Variants in PDS5A observed in about 807,000 individuals in gnomAD.
PDS5A encodes the protein PDS5 cohesin associated factor A, also known as sister chromatid cohesion protein PDS5 homolog A.
A neutral mutation model predicts 167.1 loss-of-function variants in PDS5A; 42 were observed. The observed-to-expected ratio is 0.25, with a 90% CI of 0.20 to 0.33. PDS5A has a LOEUF of 0.33. Among genes scored for constraint, PDS5A ranks in the 10% least tolerant of loss-of-function variants. The pLI is 1.00. For synonymous variants in PDS5A, 553 were observed against 554.6 expected, an observed-to-expected ratio of 1.00 and a Z score of 0.04; for missense variants, 1,033 against 1,605.9, an observed-to-expected ratio of 0.64 and a Z score of 6.10.
intron 21 of PDS5A, among the ~76,000 whole-genome samples, chr4:39,869,676 C>T (rs1719852767): frequency 6.6e-6 from 1 of 152,150 alleles, no homozygotes; most frequent in Non-Finnish European, 1.5e-5. Context: ...GTGGCTGGTA[C>T]TGGCAAGGAT....
intron 32 of PDS5A, among the ~76,000 whole-genome samples, chr4:39,830,311 T>C (rs796124785): frequency 1.3e-5 from 2 of 152,312 alleles, no homozygotes; most frequent in Admixed American, 6.5e-5. Context: ...TGCCACAGCA[T>C]CCCAAGTAGC....
intron 26 of PDS5A, among the ~76,000 whole-genome samples, chr4:39,852,987 T>A (rs1038274999): frequency 6.6e-6 from 1 of 152,188 alleles, no homozygotes; most frequent in Admixed American, 6.5e-5. Flanking sequence ...AAATTATAAA[T>A]TCACTGCAGC....
intron 2 of PDS5A, among the ~76,000 whole-genome samples, chr4:39,940,723 G>A (rs1383505267): frequency 6.6e-6 from 1 of 152,206 alleles, no homozygotes; most frequent in African/African-American, 2.4e-5. Flanking sequence ...GCGCAGAGGC[G>A]CTCACTGCAG....
chr4:39,917,027 A>AC, intron 8 of PDS5A, 21 bp downstream of exon 8: 1 of 1,405,592 alleles, frequency 7.1e-7, no homozygotes, highest in South Asian at 1.6e-5. Flanking sequence ...AAAAAAAAAA[A>AC]AGAAAACTGG....
At chr4:39,922,192 T>C (rs560621103) in intron 6 of PDS5A, among the ~76,000 whole-genome samples, 2 of 152,274 alleles carry the variant, frequency 1.3e-5, no homozygotes, top group South Asian at 4.1e-4. Flanking sequence ...ATTAACCATA[T>C]AGCTTCTGCC....
At chr4:39,948,402 T>C (rs532900618) in intron 2 of PDS5A, among the ~76,000 whole-genome samples, 5 of 139,074 alleles carry the variant, frequency 3.6e-5, no homozygotes, top group Non-Finnish European at 7.6e-5. Context: ...ACTGCATTAC[T>C]GCAACCTCCG....
At chr4:39,926,750 G>A in intron 4 of PDS5A, 25 bp downstream of exon 4, 2 of 1,281,626 alleles carry the variant, frequency 1.6e-6, no homozygotes, top group East Asian at 3.0e-5. Flanking sequence ...AATGTTAATA[G>A]TTATTAAAGT....
chr4:39,917,232 T>C (rs1464673893), intron 7 of PDS5A, 44 bp from the exon 8 acceptor site: 6 of 1,274,966 alleles, frequency 4.7e-6, no homozygotes, highest in Non-Finnish European at 6.5e-6. Context: ...CCAGTTCATT[T>C]AAAAACATGG....
intron 21 of PDS5A, among the ~76,000 whole-genome samples, chr4:39,869,776 G>C (rs1288809540): frequency 6.6e-6 from 1 of 152,144 alleles, no homozygotes; most frequent in Non-Finnish European, 1.5e-5. Flanking sequence ...ACCATCTTTA[G>C]TGAAAGAACA....
intron 21 of PDS5A, 31 bp from the exon 22 acceptor site, chr4:39,869,493 G>C (rs1719832891): frequency 7.3e-7 from 1 of 1,363,894 alleles, no homozygotes. Context: ...TTAGCTATTA[G>C]CATGAAAAAA....
chr4:39,977,181 G>A lies in PDS5A; in HGVS notation c.-41+276C>T, dbSNP rs1246806628. 6.6e-6 allele frequency among the ~76,000 whole-genome samples: 1 copy of A among 152,066 alleles called. No individual in the cohort carries two copies. Among genetic ancestry groups the A allele is most frequent in the African/African-American group, 2.4e-5 (1 of 41,420 alleles). ...CCTGTTCCGCTCCCTCACCCCCGCG[G>A]GAGGGGAAAACAAGCCGCCCTCCAC... On this transcript the variant is annotated intron_variant, in intron 1 of 32. Transcript: ENST00000303538. The surrounding 1 kb of genome is among the most constrained non-coding windows in gnomAD (Gnocchi z 4.2).
intron 17 of PDS5A, among the ~76,000 whole-genome samples, chr4:39,888,370 A>C (rs1034844207): frequency 3.9e-5 from 6 of 152,090 alleles, no homozygotes; most frequent in African/African-American, 1.4e-4. Context: ...CATAGCCACT[A>C]AGGAAAACTG....
At chr4:39,881,768 T>G (rs1011412889) in intron 17 of PDS5A, among the ~76,000 whole-genome samples, 1 of 152,190 alleles carries the variant, frequency 6.6e-6, no homozygotes, top group African/African-American at 2.4e-5. Context: ...TCTGAACATT[T>G]CATATTAATG....
rs1380026709 is a variant in PDS5A, at chr4:39,849,190, TAAC to T, written c.3220-223_3220-221del. 3.3e-5 allele frequency among the ~76,000 whole-genome samples: 5 copies of T among 152,090 alleles called. No homozygotes were observed. The South Asian group carries it at 6.2e-4, about 19-fold the overall frequency. ...CATGGATGCCAATATGCATGGAAAATAACAAACAAATGAACCAACCCAAAGAAA... is the reference window on the plus strand; with the variant it reads ...CATGGATGCCAATATGCATGGAAAATAAACAAATGAACCAACCCAAAGAAA... On this transcript the variant is annotated intron_variant, in intron 27 of 32. Transcript: ENST00000303538.
At chr4:39,837,312 C>T (rs1406615329) in intron 32 of PDS5A, 1 of 153,014 alleles carries the variant, frequency 6.5e-6, no homozygotes, top group African/African-American at 2.4e-5. Context: ...TGAAAGGAGC[C>T]ACCTTCTAGA....
chr4:39,839,675 G>C (rs1278077026), intron 31 of PDS5A, among the ~76,000 whole-genome samples: 1 of 142,632 alleles, frequency 7.0e-6, no homozygotes, highest in East Asian at 2.0e-4. Context: ...TGTACCCAAG[G>C]GTAATATCTA....
In PDS5A at chr4:39,950,467, A is replaced by G. The variant is rs1324614432; in HGVS notation, c.139-22303T>C. On this transcript the variant is annotated intron_variant, in intron 2 of 32. Coordinates refer to ENST00000303538, the MANE Select transcript of PDS5A (RefSeq NM_001100399.2). ...AGAAATTATTAAGATGGCCAGGCAC[A>G]GTGGCTCCCGCCTGTAATCTCAACA... Among the ~76,000 whole-genome samples, 5 of 152,052 alleles carry G rather than the reference A, an allele frequency of 3.3e-5. No individual in the cohort carries two copies. The East Asian group carries it at 9.8e-4, about 30-fold the overall frequency.
Position 39,838,107 on chromosome 4 carries a change from T to C in PDS5A, c.3759A>G (p.Thr1253=). The change falls in exon 32 of 33, where the codon ACA becomes ACG. Residue 1253 remains threonine, a synonymous_variant. Coordinates refer to ENST00000303538, the MANE Select transcript of PDS5A (RefSeq NM_001100399.2). The part of the protein sequence containing the change: ...AAGAENIQQK[T]DEKVDESGPP... The stretch of plus-strand genomic sequence containing the variant: ...GTCCCGATTCATCTACTTTCTCATC[T>C]GTTTTTTGTTGGATATTCTCTGCAC... 6.2e-7 allele frequency: 1 copy of C among 1,613,908 alleles called. No homozygotes were observed. The highest frequency in any genetic ancestry group is 1.3e-5 in the African/African-American group (1 of 75,060).
chr4:39,933,803 G>T lies in PDS5A; in HGVS notation c.139-5639C>A, dbSNP rs548886830. Among the ~76,000 whole-genome samples, 5 of 152,298 alleles carry T rather than the reference G, an allele frequency of 3.3e-5. 1 individual carries two copies. The South Asian group carries it at 1.0e-3, about 32-fold the overall frequency. ...ATTTTTAATGTGCTGTACTGAGGCA[G>T]GAAAGATAAAAGCTACATTTCCTAG... On this transcript the variant is annotated intron_variant, in intron 2 of 32. Coordinates refer to ENST00000303538, the MANE Select transcript of PDS5A (RefSeq NM_001100399.2).
Sources: allele counts gnomAD v4.1 joint callset (sites outside exome capture counted in the v4.1 genomes callset), GRCh38; gene constraint gnomAD v4.1.1; non-coding constraint Gnocchi (gnomAD v3.1); transcripts MANE v1.5; gene names NCBI Gene and HGNC (gene_info 2026-07-23, HGNC 2026-07-21).